The following MYRIP variants were observed in gnomAD, a reference collection of about 807,000 sequenced individuals.
MYRIP encodes the protein rab effector MyRIP.
Under a neutral mutation model 98.0 loss-of-function variants are expected in MYRIP, and 49 were observed. The observed-to-expected ratio is 0.50, with a 90% CI of 0.40 to 0.63. The LOEUF (loss-of-function observed/expected upper bound fraction) is 0.63, where lower values mean the gene tolerates loss of function less well. Among genes scored for constraint, MYRIP ranks in the 30% least tolerant of loss-of-function variants. The probability of loss-of-function intolerance (pLI) is 0.00; values close to 1 mark genes in which losing one functional copy is unlikely to be tolerated. For missense variants in MYRIP, 1,004 were observed against 1,058.2 expected (o/e 0.95, Z 0.71); for synonymous variants, 404 against 409.5 (o/e 0.99, Z 0.16).
At chr3:39,836,535 T>G (rs923557424) in intron 1 of MYRIP, among the ~76,000 whole-genome samples, 1 of 152,180 alleles carries the variant, frequency 6.6e-6, no homozygotes, top group African/African-American at 2.4e-5. Context: ...TCTCCCATTC[T>G]GTAGTGAGGC....
rs182179932 is a variant in MYRIP at position 40,242,219 on chromosome 3, T to A, written c.2101-2227T>A. 3 of 152,388 alleles carry A rather than the reference T, an allele frequency of 2.0e-5. No individual in the cohort carries two copies. The East Asian group carries it at 5.8e-4, about 29-fold the overall frequency. 9.4% of individuals were successfully genotyped at this position (152,388 alleles called of 1,614,324 possible). A position where few individuals can be genotyped will look rare whatever the true frequency, so the allele number is the denominator to read the frequency against. On this transcript the variant is annotated intron_variant, in intron 12 of 16. Coordinates refer to ENST00000302541, the MANE Select transcript of MYRIP (RefSeq NM_015460.4). ...TTGCTATGAGCATATATAAGTCACATAAAACCCTTGGCTTAGCCACTGGCT... is the reference window on the plus strand; with the variant it reads ...TTGCTATGAGCATATATAAGTCACAAAAAACCCTTGGCTTAGCCACTGGCT...
At chr3:39,826,248 A>C (rs1449109247) in intron 1 of MYRIP, among the ~76,000 whole-genome samples, 1 of 151,684 alleles carries the variant, frequency 6.6e-6, no homozygotes, top group African/African-American at 2.4e-5. Flanking sequence ...CTTGAGATAC[A>C]TCGTTAGGTT....
chr3:40,042,288 T>TAAAAAAAAA (rs66600615), intron 2 of MYRIP, among the ~76,000 whole-genome samples: 2 of 112,578 alleles, frequency 1.8e-5, no homozygotes, highest in African/African-American at 6.7e-5. Context: ...ACTGGAAGGA[T>TAAAAAAAAA]AAAAAAAAAA....
chr3:40,149,412 G>A (rs927659686), intron 3 of MYRIP, among the ~76,000 whole-genome samples: 1 of 152,110 alleles, frequency 6.6e-6, no homozygotes, highest in African/African-American at 2.4e-5. Context: ...CTAGCATTGG[G>A]GATCACATTT....
At chr3:39,854,556 T>A (rs1192124352) in intron 1 of MYRIP, among the ~76,000 whole-genome samples, 3 of 152,194 alleles carry the variant, frequency 2.0e-5, no homozygotes, top group Admixed American at 6.5e-5. Flanking sequence ...TACTGTTTTT[T>A]AAAATTTTTT....
chr3:39,847,100 T>A (rs932885035), intron 1 of MYRIP, among the ~76,000 whole-genome samples: 1 of 152,240 alleles, frequency 6.6e-6, no homozygotes, highest in Non-Finnish European at 1.5e-5. Context: ...ATGAAATTAA[T>A]AATCACAGGT....
At chr3:39,861,661 T>TA (rs1372769180) in intron 1 of MYRIP, among the ~76,000 whole-genome samples, 1 of 152,000 alleles carries the variant, frequency 6.6e-6, no homozygotes, top group Non-Finnish European at 1.5e-5. Flanking sequence ...ACTGATCTGA[T>TA]AGAGCTGAAA....
chr3:40,222,284 G>A (rs1952358640), intron 11 of MYRIP, among the ~76,000 whole-genome samples: 1 of 152,086 alleles, frequency 6.6e-6, no homozygotes, highest in South Asian at 2.1e-4. Flanking sequence ...TTATATGAAG[G>A]TGGCAACTTG....
At chr3:40,032,387 G>C (rs1426988867) in intron 2 of MYRIP, among the ~76,000 whole-genome samples, 1 of 152,124 alleles carries the variant, frequency 6.6e-6, no homozygotes, top group Non-Finnish European at 1.5e-5. Flanking sequence ...TGTGGTCTGA[G>C]AGACAGTTTG....
At chr3:40,063,737 G>A (rs758680311) in intron 3 of MYRIP, among the ~76,000 whole-genome samples, 2 of 152,118 alleles carry the variant, frequency 1.3e-5, no homozygotes, top group Non-Finnish European at 2.9e-5. Context: ...AAAACAACTG[G>A]TTCACTCTTT....
chr3:39,813,710 T>C (rs145662195), intron 1 of MYRIP, among the ~76,000 whole-genome samples: 1 of 152,338 alleles, frequency 6.6e-6, no homozygotes, highest in Non-Finnish European at 1.5e-5. Flanking sequence ...ACTTTACATG[T>C]AGCCACTTAA....
rs187590375 is a variant in MYRIP, at chr3:40,158,312, G to A, written c.470-4418G>A. Among the ~76,000 whole-genome samples, 377 of 152,294 alleles carry A rather than the reference G, an allele frequency of 2.5e-3. 3 individuals are homozygous for A. Among genetic ancestry groups the A allele is most frequent in the African/African-American group, 8.5e-3 (355 of 41,560 alleles). ...TCCATGTAGTTGAGCGGTTTTGAGT[G>A]AGATTCTTAATCCTGAGTTCTAGTT... On this transcript the variant is annotated intron_variant, in intron 4 of 16. Coordinates refer to ENST00000302541, the MANE Select transcript of MYRIP (RefSeq NM_015460.4).
At chr3:40,249,542 G>A (rs1238231989) in intron 13 of MYRIP, among the ~76,000 whole-genome samples, 4 of 152,202 alleles carry the variant, frequency 2.6e-5, no homozygotes, top group Non-Finnish European at 5.9e-5. Context: ...CCTTTTCTAA[G>A]AGCAGGGACA....
At position 39,863,952 on chromosome 3, in the gene MYRIP, T is replaced by C. The variant is rs1434517841; in HGVS notation, c.-30-36835T>C. On this transcript the variant is annotated intron_variant, in intron 1 of 16. Transcript: ENST00000302541. Reference sequence around the variant, plus strand: ...AGCACATCAAAAAGCTAATCCATGATTATCACATAGGCTGTATCTCTGGGA... The same window carrying C: ...AGCACATCAAAAAGCTAATCCATGACTATCACATAGGCTGTATCTCTGGGA... Among the ~76,000 whole-genome samples, 3 of 152,150 alleles carry C rather than the reference T, an allele frequency of 2.0e-5. No homozygotes were observed. The East Asian group carries it at 5.8e-4, about 29-fold the overall frequency.
chr3:39,842,733 G>A lies in MYRIP; in HGVS notation c.-31+32817G>A, dbSNP rs535712619. ...GAGAGGGAGTTCCCTGACCCCTTGC[G>A]CTTCCCAGGTGAGGTGATTACCCCC... On this transcript the variant is annotated intron_variant, in intron 1 of 16. Coordinates refer to ENST00000302541, the MANE Select transcript of MYRIP (RefSeq NM_015460.4). Among the ~76,000 whole-genome samples, 25 of 151,692 alleles carry A rather than the reference G, an allele frequency of 1.6e-4. 1 individual carries two copies. Among genetic ancestry groups the A allele is most frequent in the East Asian group, 1.4e-3 (7 of 5,172 alleles).
At chr3:40,058,783 T>C (rs1947938276) in intron 3 of MYRIP, among the ~76,000 whole-genome samples, 2 of 152,168 alleles carry the variant, frequency 1.3e-5, no homozygotes, top group South Asian at 4.1e-4. Flanking sequence ...GGATTCTTTT[T>C]TTCTCTTTTT....
At chr3:40,031,951 A>C (rs1947271811) in intron 2 of MYRIP, among the ~76,000 whole-genome samples, 1 of 151,946 alleles carries the variant, frequency 6.6e-6, no homozygotes, top group Non-Finnish European at 1.5e-5. Context: ...TCCTGGATTC[A>C]TTAATTTTTT....
At chr3:40,233,007 C>A (rs1025567357) in intron 11 of MYRIP, 3 of 152,250 alleles carry the variant, frequency 2.0e-5, no homozygotes, top group African/African-American at 7.2e-5. Flanking sequence ...TGCCCCATCT[C>A]ACTTGGAGGT....
chr3:40,101,604 TG>T (rs1444466289), intron 3 of MYRIP, among the ~76,000 whole-genome samples: 1 of 152,278 alleles, frequency 6.6e-6, no homozygotes, highest in South Asian at 2.1e-4. Flanking sequence ...TTCCTCTCTT[TG>T]TCCTGTTTTC....
Sources: allele counts gnomAD v4.1 joint callset (sites outside exome capture counted in the v4.1 genomes callset), GRCh38; gene constraint gnomAD v4.1.1; transcripts MANE v1.5; gene names NCBI Gene and HGNC (gene_info 2026-07-23, HGNC 2026-07-21).